Variants in CSMD1 observed in about 807,000 individuals in gnomAD.
The protein encoded by CSMD1 is CUB and sushi domain-containing protein 1.
CSMD1 carries 213 observed loss-of-function variants against 417.5 expected under a neutral mutation model. The ratio of observed to expected loss-of-function variants is 0.51; its 90% confidence interval spans 0.46 to 0.57. The LOEUF (loss-of-function observed/expected upper bound fraction) is 0.57, where lower values mean the gene tolerates loss of function less well. CSMD1 is among the 20% of genes least tolerant of loss of function. CSMD1 has a pLI of 0.00. For synonymous variants in CSMD1, 2,862 were observed against 1,736.8 expected (o/e 1.65, Z -16.11); for missense variants, 6,923 against 4,529.7 (o/e 1.53, Z -15.17).
intron 2 of CSMD1, among the ~76,000 whole-genome samples, chr8:4,471,570 G>A (rs1056323184): frequency 3.3e-5 from 5 of 151,952 alleles, no homozygotes; most frequent in Admixed American, 6.6e-5. Flanking sequence ...AATAACGAAG[G>A]CCCGTTTTAG....
chr8:3,307,879 T>A, intron 24 of CSMD1, 58 bp from the exon 25 acceptor site: 1 of 1,572,066 alleles, frequency 6.4e-7, no homozygotes, highest in Non-Finnish European at 8.6e-7. Flanking sequence ...TGTTTCTATT[T>A]AGCTACTTTT....
At chr8:4,633,016 G>C (rs187539063) in intron 2 of CSMD1, among the ~76,000 whole-genome samples, 2 of 152,066 alleles carry the variant, frequency 1.3e-5, no homozygotes, top group Admixed American at 1.3e-4. Context: ...GAATTTCAGG[G>C]TCATGGGTAC....
At chr8:3,914,520 G>T (rs987265195) in intron 5 of CSMD1, among the ~76,000 whole-genome samples, 3 of 152,150 alleles carry the variant, frequency 2.0e-5, no homozygotes, top group African/African-American at 7.2e-5. Context: ...TTTAATTTTT[G>T]TAGCTCCTAA....
intron 6 of CSMD1, among the ~76,000 whole-genome samples, chr8:3,720,835 A>C (rs1397180851): frequency 6.6e-6 from 1 of 151,426 alleles, no homozygotes; most frequent in Non-Finnish European, 1.5e-5. Context: ...TTTTTTTTCG[A>C]GAGTCTCGCT....
intron 30 of CSMD1, among the ~76,000 whole-genome samples, chr8:3,210,421 C>CTATA (rs141200377): frequency 7.2e-5 from 5 of 69,422 alleles, no homozygotes; most frequent in African/African-American, 3.2e-4. Flanking sequence ...TATATATGAC[C>CTATA]TATATATATA....
chr8:4,281,894 C>T (rs1010963668), intron 3 of CSMD1, among the ~76,000 whole-genome samples: 2 of 152,162 alleles, frequency 1.3e-5, no homozygotes, highest in African/African-American at 4.8e-5. Context: ...AAGGCAAAGG[C>T]TTATAAAGGT....
intron 5 of CSMD1, among the ~76,000 whole-genome samples, chr8:3,805,873 T>C (rs1422968263): frequency 6.6e-6 from 1 of 152,096 alleles, no homozygotes; most frequent in Non-Finnish European, 1.5e-5. Context: ...TTCCCAGATT[T>C]CTATTCTGGG....
intron 26 of CSMD1, among the ~76,000 whole-genome samples, chr8:3,266,860 A>G (rs1322807866): frequency 6.6e-6 from 1 of 152,006 alleles, no homozygotes; most frequent in Non-Finnish European, 1.5e-5. Context: ...CAAGAGCAGT[A>G]ATCACAGAGT....
intron 12 of CSMD1, among the ~76,000 whole-genome samples, chr8:3,437,100 C>T (rs747290656): frequency 5.9e-5 from 9 of 152,136 alleles, no homozygotes; most frequent in African/African-American, 9.7e-5. Context: ...GACTGAAGTG[C>T]AAACTCATTT....
At chr8:4,307,285 T>C (rs995300568) in intron 3 of CSMD1, among the ~76,000 whole-genome samples, 1 of 152,094 alleles carries the variant, frequency 6.6e-6, no homozygotes, top group Non-Finnish European at 1.5e-5. Context: ...ATCTCTCACA[T>C]ATATATATTA....
At chr8:4,551,688 T>A (rs180863968) in intron 2 of CSMD1, among the ~76,000 whole-genome samples, 191 of 152,158 alleles carry the variant, frequency 1.3e-3, no homozygotes, top group African/African-American at 4.3e-3. Flanking sequence ...TTATTTATTT[T>A]TTGAGACAGG....
chr8:4,696,006 T>C (rs906631944), intron 1 of CSMD1, among the ~76,000 whole-genome samples: 2 of 152,226 alleles, frequency 1.3e-5, no homozygotes, highest in Non-Finnish European at 2.9e-5. Context: ...CCTGGCTTAC[T>C]GCACATTAGT....
At chr8:4,048,503 C>T (rs1191639393) in intron 3 of CSMD1, among the ~76,000 whole-genome samples, 1 of 152,194 alleles carries the variant, frequency 6.6e-6, no homozygotes, top group South Asian at 2.1e-4. Context: ...CAAACTGAGG[C>T]AGAAAAGTTA....
chr8:3,757,249 C>T (rs564816498), intron 5 of CSMD1, among the ~76,000 whole-genome samples: 19 of 152,268 alleles, frequency 1.2e-4, no homozygotes, highest in African/African-American at 4.3e-4. Context: ...TGTCAGTCAA[C>T]AGGATATTTC....
chr8:3,009,975 C>G (rs1013552061), intron 52 of CSMD1, among the ~76,000 whole-genome samples: 3 of 152,184 alleles, frequency 2.0e-5, no homozygotes, highest in Non-Finnish European at 4.4e-5. Flanking sequence ...TTTATCTATT[C>G]CTGTCTCAAT....
intron 3 of CSMD1, among the ~76,000 whole-genome samples, chr8:4,278,035 C>T (rs774804154): frequency 5.3e-5 from 8 of 152,160 alleles, no homozygotes; most frequent in Non-Finnish European, 8.8e-5. Context: ...GCATGAGCCA[C>T]GGCGCCCAAC....
chr8:3,134,278 G>C (rs143046563), intron 41 of CSMD1, among the ~76,000 whole-genome samples: 84 of 152,340 alleles, frequency 5.5e-4, no homozygotes, highest in African/African-American at 1.9e-3. Context: ...CTGATGTCCG[G>C]AGGCCGTGAT....
chr8:4,568,371 G>A (rs571124590), intron 2 of CSMD1, among the ~76,000 whole-genome samples: 19 of 152,200 alleles, frequency 1.2e-4, no homozygotes, highest in Middle Eastern at 6.8e-3. Flanking sequence ...GAGAACATGC[G>A]TTGTTTCGTT....
intron 3 of CSMD1, among the ~76,000 whole-genome samples, chr8:4,135,351 GA>G (rs1563169086): frequency 7.3e-5 from 5 of 68,742 alleles, no homozygotes; most frequent in East Asian, 5.3e-4. Context: ...GGAAGGAAGG[GA>G]AAGGAGGGAA....
Sources: gnomAD v4.1 joint callset for allele counts (sites outside exome capture counted in the v4.1 genomes callset) on GRCh38, gnomAD v4.1.1 for gene constraint, MANE v1.5 for transcripts, NCBI Gene and HGNC (gene_info 2026-07-23, HGNC 2026-07-21) for gene names.